TAB2: variants seen among roughly 807,000 people sequenced by gnomAD.
TAB2 encodes TGF-beta-activated kinase 1 and MAP3K7-binding protein 2.
TAB2 carries 3 observed loss-of-function variants against 65.0 expected under a neutral mutation model. The observed-to-expected ratio is 0.05, with a 90% CI of 0.02 to 0.12. The LOEUF (loss-of-function observed/expected upper bound fraction) is 0.12. Ranked by LOEUF, TAB2 falls within the 10% of genes least tolerant of loss-of-function variation. TAB2 has a pLI of 1.00. For synonymous variants in TAB2, 298 were observed against 285.1 expected, an observed-to-expected ratio of 1.05 and a Z score of -0.46; for missense variants, 623 against 840.3, an observed-to-expected ratio of 0.74 and a Z score of 3.20.
At chr6:149,257,497 T>A (rs1446808673) in intron 1 of TAB2, 1 of 152,138 alleles carries the variant, frequency 6.6e-6, no homozygotes, top group Non-Finnish European at 1.5e-5. Flanking sequence ...ACCCTCAGTG[T>A]ATGGACCGAA....
At chr6:149,278,896 C>T (rs1347651013) in intron 1 of TAB2, among the ~76,000 whole-genome samples, 1 of 151,672 alleles carries the variant, frequency 6.6e-6, no homozygotes, top group Non-Finnish European at 1.5e-5. Flanking sequence ...CTGGGCAACA[C>T]GATGAAACCC....
chr6:149,367,650 A>G (rs1341708999), intron 1 of TAB2, among the ~76,000 whole-genome samples: 1 of 152,186 alleles, frequency 6.6e-6, no homozygotes, highest in Non-Finnish European at 1.5e-5. Flanking sequence ...GGGGAGACCT[A>G]TTGAGGCCTT....
At chr6:149,221,765 G>A (rs1777153761) in intron 1 of TAB2, among the ~76,000 whole-genome samples, 1 of 152,158 alleles carries the variant, frequency 6.6e-6, no homozygotes, top group African/African-American at 2.4e-5. Context: ...AATCAGTCCT[G>A]GAATGAAGGA....
At chr6:149,231,137 C>T (rs1172301515) in intron 1 of TAB2, among the ~76,000 whole-genome samples, 2 of 152,228 alleles carry the variant, frequency 1.3e-5, no homozygotes, top group African/African-American at 4.8e-5. Context: ...AGCCTCACCT[C>T]ATTACAATTC....
At chr6:149,272,744 C>T (rs953301259) in intron 1 of TAB2, among the ~76,000 whole-genome samples, 2 of 152,214 alleles carry the variant, frequency 1.3e-5, no homozygotes, top group Non-Finnish European at 2.9e-5. Flanking sequence ...TTTAGGGAGA[C>T]ATTATTCTGC....
upstream of TAB2, chr6:149,317,433 GCCGC>G: frequency 5.7e-6 from 1 of 174,022 alleles, no homozygotes; most frequent in Non-Finnish European, 1.2e-5. The surrounding 1 kb of genome is among the most constrained non-coding windows in gnomAD (Gnocchi z 4.7). Context: ...CGCCGCCGCC[GCCGC>G]CTGCTGCTCC....
chr6:149,398,089 AATTCATCGTATTT>A, intron 5 of TAB2, 27 bp downstream of exon 5: 1 of 1,586,978 alleles, frequency 6.3e-7, no homozygotes, highest in Non-Finnish European at 8.6e-7. Context: ...TTGTAGCTGA[AATTCATCGTATTT>A]AATTCACCAG....
chr6:149,258,279 G>A (rs533724030), intron 1 of TAB2, among the ~76,000 whole-genome samples: 14 of 152,210 alleles, frequency 9.2e-5, no homozygotes, highest in East Asian at 5.8e-4. Context: ...AGCATTTGCC[G>A]CTTTCTATGG....
intron 2 of TAB2, among the ~76,000 whole-genome samples, chr6:149,372,679 A>G (rs1400892143): frequency 2.6e-5 from 4 of 152,206 alleles, no homozygotes; most frequent in East Asian, 1.9e-4. Context: ...CACACTTTTT[A>G]AAAGTGAGTT....
intron 1 of TAB2, among the ~76,000 whole-genome samples, chr6:149,294,308 G>A (rs967686263): frequency 2.6e-5 from 4 of 152,286 alleles, no homozygotes; most frequent in African/African-American, 4.8e-5. Flanking sequence ...TCTTCTCCCC[G>A]TATCTTCACA....
intron 1 of TAB2, chr6:149,221,039 T>C (rs1232812136): frequency 1.3e-5 from 2 of 152,230 alleles, no homozygotes; most frequent in African/African-American, 4.8e-5. Flanking sequence ...TCAAGAAAAC[T>C]GCTGCCATGT....
chr6:149,294,564 C>G (rs998435512), intron 1 of TAB2, among the ~76,000 whole-genome samples: 3 of 152,212 alleles, frequency 2.0e-5, no homozygotes, highest in Admixed American at 6.5e-5. Context: ...AGCATCTGCT[C>G]TTTTCATAAG....
intron 1 of TAB2, among the ~76,000 whole-genome samples, chr6:149,340,485 TA>T (rs1780080683): frequency 6.6e-6 from 1 of 152,146 alleles, no homozygotes; most frequent in East Asian, 1.9e-4. Context: ...TATGTTTTTT[TA>T]AAAGAGTAAA....
chr6:149,265,032 G>A (rs908070752), intron 1 of TAB2, among the ~76,000 whole-genome samples: 3 of 151,716 alleles, frequency 2.0e-5, no homozygotes, highest in East Asian at 1.9e-4. Context: ...GGGAATTTAG[G>A]ATATACTCAT....
At chr6:149,229,630 C>T (rs796577072) in intron 1 of TAB2, among the ~76,000 whole-genome samples, 13 of 152,180 alleles carry the variant, frequency 8.5e-5, no homozygotes, top group African/African-American at 2.6e-4. Flanking sequence ...GTAAAGGAGG[C>T]CTGGCAATAG....
At chr6:149,292,172 T>C (rs1270081866) in intron 1 of TAB2, among the ~76,000 whole-genome samples, 2 of 152,178 alleles carry the variant, frequency 1.3e-5, no homozygotes, top group East Asian at 1.9e-4. Context: ...AGAATGTAAG[T>C]ATAAGAATGT....
intron 1 of TAB2, among the ~76,000 whole-genome samples, chr6:149,228,570 C>A (rs1777333194): frequency 6.6e-6 from 1 of 152,216 alleles, no homozygotes; most frequent in Non-Finnish European, 1.5e-5. Flanking sequence ...CAGCTGGAGA[C>A]AGGGTTCTAC....
intron 1 of TAB2, among the ~76,000 whole-genome samples, chr6:149,348,891 C>T (rs1377312507): frequency 2.0e-5 from 3 of 151,568 alleles, no homozygotes; most frequent in South Asian, 2.1e-4. Flanking sequence ...TGCTTCAATC[C>T]GGGAGGCGGA....
chr6:149,397,464 T>TTTTA lies in TAB2; in HGVS notation c.1604-138_1604-137insTATT, dbSNP rs1181183402. 2.4e-5 allele frequency: 25 copies of TTTTA among 1,032,020 alleles called. No homozygotes were observed. The Admixed American group carries it at 5.3e-4, about 22-fold the overall frequency. 63.9% of individuals were successfully genotyped at this position (1,032,020 alleles called of 1,614,324 possible). A position where few individuals can be genotyped will look rare whatever the true frequency, so the allele number is the denominator to read the frequency against. On this transcript the variant is annotated intron_variant, in intron 3 of 6. Transcript: ENST00000637181. ...GTCAAAAAAAAAAAAAAATTGAAAT[T>TTTTA]TTAAATGCCTAAACTTACAATATTT...
Sources: gnomAD v4.1 joint callset for allele counts (sites outside exome capture counted in the v4.1 genomes callset) on GRCh38, gnomAD v4.1.1 for gene constraint, Gnocchi (gnomAD v3.1) non-coding constraint, MANE v1.5 for transcripts, NCBI Gene and HGNC (gene_info 2026-07-23, HGNC 2026-07-21) for gene names.